Variants in TTC39C observed in about 807,000 individuals in gnomAD.
TTC39C encodes tetratricopeptide repeat domain 39C.
Under a neutral mutation model 76.3 loss-of-function variants are expected in TTC39C, and 33 were observed. The ratio of observed to expected loss-of-function variants is 0.43; its 90% CI spans 0.33 to 0.58. The LOEUF is 0.58. TTC39C is among the 20% of genes least tolerant of loss of function. The probability of loss-of-function intolerance (pLI) is 0.04; values close to 1 mark genes in which losing one functional copy is unlikely to be tolerated. For missense variants in TTC39C, 595 were observed against 701.4 expected (o/e 0.85, Z 1.71); for synonymous variants, 254 against 260.6 (o/e 0.97, Z 0.24).
At chr18:23,995,707 G>GAA (rs913445000) in intron 1 of TTC39C, among the ~76,000 whole-genome samples, 2 of 143,634 alleles carry the variant, frequency 1.4e-5, no homozygotes, top group African/African-American at 5.1e-5. Context: ...ATCTCTGCCG[G>GAA]AAAAAAAAAA....
At chr18:24,100,641 G>A (rs1350482856) in intron 6 of TTC39C, among the ~76,000 whole-genome samples, 2 of 152,238 alleles carry the variant, frequency 1.3e-5, no homozygotes, top group Admixed American at 1.3e-4. Flanking sequence ...AGTTTTTAGT[G>A]TGTGGCATTG....
intron 1 of TTC39C, among the ~76,000 whole-genome samples, chr18:23,999,253 A>G (rs1382044326): frequency 6.6e-6 from 1 of 152,128 alleles, no homozygotes; most frequent in African/African-American, 2.4e-5. Flanking sequence ...CCTGAGGCCA[A>G]GTTTAAGGTA....
intron 1 of TTC39C, among the ~76,000 whole-genome samples, chr18:24,042,499 G>A (rs1007280420): frequency 1.3e-5 from 2 of 152,146 alleles, no homozygotes; most frequent in African/African-American, 2.4e-5. Context: ...ATGCTCGCTC[G>A]CCTGCTGCTC....
Position 24,125,506 on chromosome 18 carries a change from C to T in TTC39C, c.1376C>T (p.Ala459Val). Residue 459 changes from alanine (A) to valine (V), a missense_variant, in exon 10 of 14, where the codon GCT (alanine) becomes GTT (valine). By Grantham distance (64) the Ala-to-Val change is moderately conservative. Transcript: ENST00000317571. The stretch of plus-strand genomic sequence containing the variant: ...ATTGAAGTGTTGTACTTGTGGAAAG[C>T]TCTTCCAAACTGTTCCTTCCCCAAC... ...ASIEVLYLWK[A>V]LPNCSFPNLQ... is the part of the protein sequence containing the mutation. 6.2e-7 allele frequency: 1 copy of T among 1,614,208 alleles called. No individual in the cohort carries two copies. Among genetic ancestry groups the T allele is most frequent in the South Asian group, 1.1e-5 (1 of 91,080 alleles).
In TTC39C at chr18:24,092,064, G is replaced by A. The variant is rs187291399; in HGVS notation, c.984+8983G>A. Among the ~76,000 whole-genome samples, 566 of 116,802 alleles carry A rather than the reference G, an allele frequency of 4.8e-3. 7 individuals carry two copies. The highest frequency in any genetic ancestry group is 0.017 in the African/African-American group (537 of 31,206). 76.6% of individuals were successfully genotyped at this position (116,802 alleles called of 152,430 possible). On this transcript the variant is annotated intron_variant, in intron 6 of 13. Coordinates refer to ENST00000317571, the MANE Select transcript of TTC39C (RefSeq NM_001135993.2). The stretch of plus-strand genomic sequence containing the variant: ...ACCAAGATCGCATCACTGCACTCCA[G>A]CCTGGGTGACAGAGTGAGACTCAGT...
At chr18:23,995,586 T>C (rs898303738) in intron 1 of TTC39C, among the ~76,000 whole-genome samples, 7 of 152,162 alleles carry the variant, frequency 4.6e-5, no homozygotes, top group African/African-American at 1.7e-4. Context: ...TCATTCCTTT[T>C]TATTGCTGGT....
intron 6 of TTC39C, chr18:24,113,716 A>G (rs2084849228): frequency 4.3e-6 from 3 of 701,776 alleles, no homozygotes; most frequent in Non-Finnish European, 5.2e-6. Flanking sequence ...TGATGCTTTG[A>G]ATCCTGATCA....
chr18:24,078,522 A>G (rs745555073), intron 4 of TTC39C, among the ~76,000 whole-genome samples: 1 of 152,172 alleles, frequency 6.6e-6, no homozygotes, highest in Non-Finnish European at 1.5e-5. Flanking sequence ...TGTTCCTTAG[A>G]TACAAAGGAA....
chr18:24,020,950 TTCTAGTTACACGAAACCA>T (rs1195721859), intron 1 of TTC39C, among the ~76,000 whole-genome samples: 2 of 152,170 alleles, frequency 1.3e-5, no homozygotes, highest in East Asian at 3.8e-4. Context: ...GCACTTTCTA[TTCTAGTTACACGAAACCA>T]CTTGTAGATC....
intron 1 of TTC39C, among the ~76,000 whole-genome samples, chr18:24,059,161 G>C (rs1438333036): frequency 6.6e-6 from 1 of 152,008 alleles, no homozygotes; most frequent in Non-Finnish European, 1.5e-5. Flanking sequence ...CTGTTCTTCA[G>C]ATTTGATTTG....
At chr18:24,004,171 G>C (rs931186721) in intron 1 of TTC39C, among the ~76,000 whole-genome samples, 4 of 152,218 alleles carry the variant, frequency 2.6e-5, no homozygotes, top group Non-Finnish European at 5.9e-5. Flanking sequence ...CCTTTCTGGA[G>C]CAGTAAGGGA....
rs780240688 is a variant in TTC39C, at chr18:24,128,980, T to A, written c.1515T>A (p.Val505=). ...GTCTAGGAAACTCAGAAGATGCTGT[T>A]CAGGTAAACTGTTAATGTTGTCAGG... ...HKCLGNSEDA[V]QYFQRAVKDE... is the part of the protein sequence containing the mutation. Residue 505 remains valine (V), a synonymous_variant, in exon 11 of 14, where the codon GTT becomes GTA. Transcript: ENST00000317571. The A allele has an allele frequency of 5.0e-6, 8 of 1,612,534 alleles. No individual in the cohort carries two copies. In the Admixed American group the frequency reaches 8.3e-5, roughly 17 times the overall value.
intron 6 of TTC39C, among the ~76,000 whole-genome samples, chr18:24,110,022 C>T (rs576555574): frequency 8.5e-5 from 13 of 152,058 alleles, no homozygotes; most frequent in East Asian, 1.9e-4. Context: ...AAAAAAACCA[C>T]GAAATTTTAA....
intron 6 of TTC39C, among the ~76,000 whole-genome samples, chr18:24,098,546 CCCTCT>C (rs1246937329): frequency 3.0e-4 from 21 of 69,236 alleles, no homozygotes; most frequent in African/African-American, 7.9e-4. Context: ...CCCTCCCCTC[CCCTCT>C]CCTCTCCTCT....
intron 4 of TTC39C, among the ~76,000 whole-genome samples, chr18:24,074,675 A>G (rs2145748135): frequency 6.6e-6 from 1 of 152,314 alleles, no homozygotes; most frequent in East Asian, 1.9e-4. Context: ...GGATGTGGAG[A>G]AATAGGAACA....
At chr18:24,050,869 T>G (rs2083939965) in intron 1 of TTC39C, among the ~76,000 whole-genome samples, 1 of 85,858 alleles carries the variant, frequency 1.2e-5, no homozygotes, top group Non-Finnish European at 2.4e-5. Flanking sequence ...CAAAACTCCA[T>G]CTCAGGAAAA....
At chr18:24,132,094 A>G (rs953500835) in intron 13 of TTC39C, among the ~76,000 whole-genome samples, 174 bp downstream of exon 13, 2 of 152,252 alleles carry the variant, frequency 1.3e-5, no homozygotes, top group South Asian at 4.1e-4. Context: ...GGACATTACA[A>G]GATCATAAGG....
At chr18:24,056,021 AT>A (rs1475367657) in intron 1 of TTC39C, among the ~76,000 whole-genome samples, 1 of 152,210 alleles carries the variant, frequency 6.6e-6, no homozygotes, top group Non-Finnish European at 1.5e-5. Flanking sequence ...GATATCACTT[AT>A]CCTTTTGGCA....
chr18:24,016,824 A>G (rs886694277), intron 1 of TTC39C: 13 of 398,188 alleles, frequency 3.3e-5, no homozygotes, highest in African/African-American at 2.7e-4. Flanking sequence ...GGAACTGAAG[A>G]TAAGGCAGGG....
Sources: gnomAD v4.1 joint callset for allele counts (sites outside exome capture counted in the v4.1 genomes callset) on GRCh38, gnomAD v4.1.1 for gene constraint, MANE v1.5 for transcripts, NCBI Gene and HGNC (gene_info 2026-07-23, HGNC 2026-07-21) for gene names.